The following TTLL12 variants were observed in gnomAD, a reference collection of about 807,000 sequenced individuals.
The protein encoded by TTLL12 is tubulin--tyrosine ligase-like protein 12.
A neutral mutation model predicts 79.6 loss-of-function variants in TTLL12; 77 were observed. The observed-to-expected ratio is 0.97, with a 90% CI of 0.81 to 1.17. TTLL12 has a LOEUF of 1.17. TTLL12 is among the 50% of genes most tolerant of loss of function. TTLL12 has a pLI of 0.00. For synonymous variants in TTLL12, 437 were observed against 376.1 expected, an observed-to-expected ratio of 1.16 and a Z score of -1.87; for missense variants, 969 against 895.9, an observed-to-expected ratio of 1.08 and a Z score of -1.04.
At chr22:43,170,258 G>A (rs751730105) in intron 11 of TTLL12, 7 of 279,576 alleles carry the variant, frequency 2.5e-5, no homozygotes, top group Non-Finnish European at 4.2e-5. Context: ...TTCCAACAAT[G>A]TCCTGGGGCC....
At chr22:43,171,717 T>C (rs2147067481) in intron 11 of TTLL12, 102 bp downstream of exon 11, 4 of 900,044 alleles carry the variant, frequency 4.4e-6, no homozygotes, top group African/African-American at 1.7e-5. Flanking sequence ...CTCCTGGGAC[T>C]GGCCTGTGTG....
intron 1 of TTLL12, chr22:43,185,919 G>A (rs574394591): frequency 2.0e-6 from 2 of 977,006 alleles, no homozygotes; most frequent in African/African-American, 1.7e-5. Flanking sequence ...GAGGGGCAGA[G>A]GAAACTCTCT....
chr22:43,178,078 T>C (rs762241730), intron 5 of TTLL12, among the ~76,000 whole-genome samples: 1 of 152,212 alleles, frequency 6.6e-6, no homozygotes, highest in African/African-American at 2.4e-5. Context: ...GTCCCTCCAG[T>C]TGCATCCACG....
At position 43,166,837 on chromosome 22, in the gene TTLL12, A is replaced by T. The variant is rs985926153; in HGVS notation, c.*1171T>A. On this transcript the variant is annotated 3_prime_UTR_variant, in exon 14 of 14. Coordinates refer to ENST00000216129, the MANE Select transcript of TTLL12 (RefSeq NM_015140.4). ...CAGCATCATCAGGTGCAGCTTTGCTACAAGAAAGATAGTTCTTAATTTCAA... is the reference window on the plus strand; with the variant it reads ...CAGCATCATCAGGTGCAGCTTTGCTTCAAGAAAGATAGTTCTTAATTTCAA... The T allele has an allele frequency of 1.6e-5, 3 of 184,406 alleles. No homozygotes were observed. The highest frequency in any genetic ancestry group is 1.1e-5 in the Non-Finnish European group (1 of 87,184). The allele number at this position is 184,406 out of a possible 1,614,324, so 11.4% of individuals were successfully genotyped here. A position where few individuals can be genotyped will look rare whatever the true frequency, so the allele number is the denominator to read the frequency against.
chr22:43,182,839 C>T lies in TTLL12; in HGVS notation c.347+141G>A, dbSNP rs187904513. On this transcript the variant is annotated intron_variant, in intron 2 of 13. Transcript: ENST00000216129. ...TACTCTGAAGCCCTGATGGACACAC[C>T]GCTGGCCACACGTGCTTGCCACAAA... 26 of 1,178,886 alleles carry T rather than the reference C, an allele frequency of 2.2e-5. No homozygotes were observed. In the Admixed American group the frequency reaches 5.8e-4, roughly 26 times the overall value. 73.0% of individuals were successfully genotyped at this position (1,178,886 alleles called of 1,614,324 possible). A position where few individuals can be genotyped will look rare whatever the true frequency, so the allele number is the denominator to read the frequency against.
chr22:43,179,406 T>A (rs1931994499), intron 5 of TTLL12, among the ~76,000 whole-genome samples: 1 of 152,022 alleles, frequency 6.6e-6, no homozygotes, highest in Admixed American at 6.5e-5. Context: ...CCAGGCACCC[T>A]GGGATCTGGA....
intron 1 of TTLL12, among the ~76,000 whole-genome samples, chr22:43,183,385 C>T (rs1056958095): frequency 1.2e-4 from 18 of 152,236 alleles, no homozygotes; most frequent in Non-Finnish European, 2.2e-4. Flanking sequence ...GTCACCTGAG[C>T]TGTCATCCAG....
At chr22:43,182,693 G>T (rs1245224555) in intron 2 of TTLL12, among the ~76,000 whole-genome samples, 1 of 152,152 alleles carries the variant, frequency 6.6e-6, no homozygotes, top group African/African-American at 2.4e-5. Context: ...GGGTGACCTC[G>T]AGCAAAACTG....
chr22:43,170,676 T>C (rs1025394973), intron 11 of TTLL12, among the ~76,000 whole-genome samples: 1 of 152,146 alleles, frequency 6.6e-6, no homozygotes, highest in Non-Finnish European at 1.5e-5. Flanking sequence ...TTTAGGAGGC[T>C]GAGGCAGGCG....
intron 11 of TTLL12, 77 bp from the exon 12 acceptor site, chr22:43,169,645 G>A (rs1931713662): frequency 6.7e-7 from 1 of 1,485,560 alleles, no homozygotes; most frequent in African/African-American, 1.4e-5. Context: ...CTACTGCCTG[G>A]ACCAGGAGCT....
intron 1 of TTLL12, 81 bp from the exon 2 acceptor site, chr22:43,183,230 G>A (rs1391689049): frequency 1.1e-5 from 17 of 1,550,832 alleles, no homozygotes; most frequent in African/African-American, 6.8e-5. Context: ...AAAGCCACCC[G>A]AGGTGCCACA....
intron 2 of TTLL12, among the ~76,000 whole-genome samples, chr22:43,181,251 C>T (rs11704641): frequency 0.071 from 10,757 of 152,278 alleles, 529 homozygotes; most frequent in Non-Finnish European, 0.11. Flanking sequence ...ATATGTGGTA[C>T]ACCTACTGTC....
rs531048351 is a variant in TTLL12 at position 43,168,536 on chromosome 22, G to A, written c.1783+238C>T. On this transcript the variant is annotated intron_variant, in intron 13 of 13. Transcript: ENST00000216129. ...TTGGGGTCAGGGTGCCTTTCACACG[G>A]GTCTCCTGTCCTGTGAGCTCTCCCC... 2.4e-3 allele frequency among the ~76,000 whole-genome samples: 364 copies of A among 152,182 alleles called. 1 individual carries two copies. Among genetic ancestry groups the A allele is most frequent in the Non-Finnish European group, 3.8e-3 (256 of 68,026 alleles).
At position 43,186,911 on chromosome 22, in the gene TTLL12, C is replaced by A; in HGVS notation, c.159G>T (p.Leu53=). The A allele has an allele frequency of 7.4e-7, 1 of 1,350,668 alleles. No homozygotes were observed. The highest frequency in any genetic ancestry group is 9.5e-7 in the Non-Finnish European group (1 of 1,049,248). 83.7% of individuals were successfully genotyped at this position (1,350,668 alleles called of 1,614,324 possible). A position where few individuals can be genotyped will look rare whatever the true frequency, so the allele number is the denominator to read the frequency against. Residue 53 remains leucine, a synonymous_variant, in exon 1 of 14, where the codon CTG becomes CTT. Transcript: ENST00000216129. ...GVPERYWGRL[L]HKLEHEVFDA... is the part of the protein sequence containing the mutation. ...CCCGCACCTCGTGCTCCAGCTTGTG[C>A]AGGAGGCGGCCCCAGTAACGTTCGG...
Position 43,168,042 on chromosome 22 carries a change from TG to T in TTLL12, c.1900del (p.Gln634SerfsTer48). 1 of 1,614,086 alleles carries T rather than the reference TG, an allele frequency of 6.2e-7. No individual in the cohort carries two copies. Among genetic ancestry groups the T allele is most frequent in the Non-Finnish European group, 8.5e-7 (1 of 1,179,968 alleles). On this transcript the variant is annotated frameshift_variant, in exon 14 of 14. Coordinates refer to ENST00000216129, the MANE Select transcript of TTLL12 (RefSeq NM_015140.4). LOFTEE classifies it high-confidence loss of function. ...NDVFSTLFLD[Q>X]PGGCHVTCLV is the part of the protein sequence containing the mutation. Reference sequence around the variant, plus strand: ...GCAGGTAACGTGGCAGCCACCGGGCTGGTCCAGAAACAAGGTGCTGAAGACG... The same window carrying T: ...GCAGGTAACGTGGCAGCCACCGGGCTGTCCAGAAACAAGGTGCTGAAGACG...
At position 43,187,129 on chromosome 22, in the gene TTLL12, G is replaced by C. The variant is rs1376954665; in HGVS notation, c.-60C>G. 4.0e-6 allele frequency: 4 copies of C among 988,704 alleles called. No homozygotes were observed. Among genetic ancestry groups the C allele is most frequent in the Non-Finnish European group, 4.8e-6 (4 of 836,150 alleles). 61.2% of individuals were successfully genotyped at this position (988,704 alleles called of 1,614,324 possible). A position where few individuals can be genotyped will look rare whatever the true frequency, so the allele number is the denominator to read the frequency against. On this transcript the variant is annotated 5_prime_UTR_variant, in exon 1 of 14. Coordinates refer to ENST00000216129, the MANE Select transcript of TTLL12 (RefSeq NM_015140.4). ...CCGCCGCCGCCGCCCGCCGTCCGTC[G>C]GCCCTGCCCTCCCGCCTCCGCCCCC...
At chr22:43,175,839 ATTTTTTTT>A (rs753447234) in intron 6 of TTLL12, among the ~76,000 whole-genome samples, 1 of 128,380 alleles carries the variant, frequency 7.8e-6, no homozygotes, top group African/African-American at 3.0e-5. Flanking sequence ...TGCCCTACTA[ATTTTTTTT>A]TTTTTTTTTT....
At chr22:43,176,187 G>A in intron 6 of TTLL12, 133 bp downstream of exon 6, 1 of 690,406 alleles carries the variant, frequency 1.4e-6, no homozygotes, top group South Asian at 1.7e-5. Context: ...TCACTGCTGT[G>A]CCCAGACAGG....
rs112526006 is a variant in TTLL12, at chr22:43,178,523, G to A, written c.840+1096C>T. 5.5e-3 allele frequency among the ~76,000 whole-genome samples: 831 copies of A among 152,066 alleles called. 4 individuals are homozygous for A. Among genetic ancestry groups the A allele is most frequent in the Non-Finnish European group, 9.4e-3 (641 of 67,978 alleles). On this transcript the variant is annotated intron_variant, in intron 5 of 13. Coordinates refer to ENST00000216129, the MANE Select transcript of TTLL12 (RefSeq NM_015140.4). ...TTTTTAGTAGAGACGGGGTTTCACC[G>A]TGTTGGCCAGGATGGTCTCGATCTC... is the stretch of plus-strand genomic sequence containing the variant.
Sources: allele counts gnomAD v4.1 joint callset (sites outside exome capture counted in the v4.1 genomes callset), GRCh38; gene constraint gnomAD v4.1.1; transcripts MANE v1.5; gene names NCBI Gene and HGNC (gene_info 2026-07-23, HGNC 2026-07-21).